ST3GAL1: variants seen among roughly 807,000 people sequenced by gnomAD.
ST3GAL1 encodes CMP-N-acetylneuraminate-beta-galactosamide-alpha-2,3-sialyltransferase 1.
In ST3GAL1, 16 loss-of-function variants were observed where a neutral mutation model predicts 34.1. The observed-to-expected ratio is 0.47, with a 90% CI of 0.32 to 0.71. The LOEUF is 0.71. Ranked by LOEUF, ST3GAL1 falls within the 30% of genes least tolerant of loss-of-function variation. ST3GAL1 has a pLI of 0.04. For missense variants in ST3GAL1, 353 were observed against 447.4 expected, an observed-to-expected ratio of 0.79 and a Z score of 1.90; for synonymous variants, 191 against 184.7, an observed-to-expected ratio of 1.03 and a Z score of -0.28.
Position 133,540,904 on chromosome 8 carries a change from T to G in ST3GAL1, c.-429+4870A>C, listed in dbSNP as rs552281438. Among the ~76,000 whole-genome samples, 13 of 125,012 alleles carry G rather than the reference T, an allele frequency of 1.0e-4. No individual in the cohort carries two copies. In the East Asian group the frequency reaches 1.1e-3, roughly 11 times the overall value. 82.0% of individuals were successfully genotyped at this position (125,012 alleles called of 152,430 possible). A position where few individuals can be genotyped will look rare whatever the true frequency, so the allele number is the denominator to read the frequency against. Reference sequence around the variant, plus strand: ...AGAGACATATATATAGACATATATATAGACATATATATAGACATATATATA... The same window carrying G: ...AGAGACATATATATAGACATATATAGAGACATATATATAGACATATATATA... On this transcript the variant is annotated intron_variant, in intron 2 of 9. Transcript: ENST00000522652.
intron 1 of ST3GAL1, among the ~76,000 whole-genome samples, chr8:133,558,405 G>T (rs2131102248): frequency 6.6e-6 from 1 of 152,326 alleles, no homozygotes; most frequent in South Asian, 2.1e-4. Context: ...ACTTGCTGAA[G>T]GACACGCAGT....
At chr8:133,491,799 C>T (rs1816794022) in intron 3 of ST3GAL1, among the ~76,000 whole-genome samples, 1 of 152,208 alleles carries the variant, frequency 6.6e-6, no homozygotes, top group African/African-American at 2.4e-5. Flanking sequence ...TCCCTACACA[C>T]TGAAGGTTGG....
At chr8:133,492,656 A>T (rs1400976731) in intron 3 of ST3GAL1, among the ~76,000 whole-genome samples, 1 of 152,140 alleles carries the variant, frequency 6.6e-6, no homozygotes. Flanking sequence ...TGGGAGGTGG[A>T]GGTTGTAGTG....
chr8:133,465,291 C>T (rs1366380806), intron 6 of ST3GAL1, among the ~76,000 whole-genome samples: 2 of 152,104 alleles, frequency 1.3e-5, no homozygotes, highest in African/African-American at 4.8e-5. Context: ...ACCCATGGGA[C>T]ACCTGGTACA....
At chr8:133,562,794 TTTCCTTCCTTCCTTCCTTCCTTCC>T (rs772597674) in intron 1 of ST3GAL1, among the ~76,000 whole-genome samples, 18 of 108,604 alleles carry the variant, frequency 1.7e-4, no homozygotes, top group South Asian at 1.6e-3. Context: ...TCTTTCTTTC[TTTCCTTCCTTCCTTCCTTCCTTCC>T]TTCCTTCCTT....
intron 5 of ST3GAL1, among the ~76,000 whole-genome samples, chr8:133,473,287 T>G (rs1437027852): frequency 2.0e-5 from 3 of 152,196 alleles, no homozygotes; most frequent in Non-Finnish European, 4.4e-5. Flanking sequence ...ATACGGTATT[T>G]CCAGAGGTTG....
At chr8:133,548,695 T>C (rs1328001042) in intron 1 of ST3GAL1, among the ~76,000 whole-genome samples, 1 of 152,192 alleles carries the variant, frequency 6.6e-6, no homozygotes. Flanking sequence ...GAGCACACAT[T>C]CATGTGTTTC....
chr8:133,530,321 G>C (rs549923875), intron 2 of ST3GAL1, among the ~76,000 whole-genome samples: 1 of 151,038 alleles, frequency 6.6e-6, no homozygotes, highest in African/African-American at 2.4e-5. Flanking sequence ...TGCTCTTGTG[G>C]CCCAGGCTAA....
chr8:133,523,884 C>T (rs1458656157), intron 2 of ST3GAL1, among the ~76,000 whole-genome samples: 1 of 152,160 alleles, frequency 6.6e-6, no homozygotes, highest in South Asian at 2.1e-4. Flanking sequence ...TGTCAAGATG[C>T]CAGTTCAGAA....
chr8:133,566,671 C>T (rs1412989320), intron 1 of ST3GAL1, among the ~76,000 whole-genome samples: 1 of 152,214 alleles, frequency 6.6e-6, no homozygotes, highest in Non-Finnish European at 1.5e-5. Context: ...TGCCACCTGC[C>T]ATGCCACCCT....
At chr8:133,551,597 A>AGAAG (rs1818860474) in intron 1 of ST3GAL1, among the ~76,000 whole-genome samples, 1 of 150,224 alleles carries the variant, frequency 6.7e-6, no homozygotes, top group Non-Finnish European at 1.5e-5. Context: ...AAAGAAAGAA[A>AGAAG]GAAAGAAAGA....
intron 4 of ST3GAL1, 67 bp from the exon 5 acceptor site, chr8:133,476,141 A>G: frequency 8.4e-7 from 1 of 1,194,656 alleles, no homozygotes; most frequent in South Asian, 1.6e-5. Context: ...GATGGCAGGA[A>G]TTCCAAGGGA....
intron 2 of ST3GAL1, among the ~76,000 whole-genome samples, chr8:133,522,962 G>A (rs1391456228): frequency 6.6e-6 from 1 of 152,164 alleles, no homozygotes; most frequent in Non-Finnish European, 1.5e-5. Context: ...GAAGAGACAG[G>A]GATGAAATCT....
intron 5 of ST3GAL1, among the ~76,000 whole-genome samples, chr8:133,468,783 G>T (rs74812902): frequency 0.011 from 1,711 of 152,264 alleles, 45 homozygotes; most frequent in African/African-American, 0.039. Flanking sequence ...GTTTAAAGCT[G>T]GCCCCGAAAT....
rs1819563082 is a variant in ST3GAL1, at chr8:133,571,363, C to A, written c.-582+330G>T. Reference sequence around the variant, plus strand: ...GCTGCCCGGGACTTGGCGTAGGTTCCCCACAGAGCTCCAGGCAGCTCCTCC... The same window carrying A: ...GCTGCCCGGGACTTGGCGTAGGTTCACCACAGAGCTCCAGGCAGCTCCTCC... On this transcript the variant is annotated intron_variant, in intron 1 of 9. Coordinates refer to ENST00000522652, the MANE Select transcript of ST3GAL1 (RefSeq NM_173344.3). The surrounding 1 kb of genome is among the most constrained non-coding windows in gnomAD (Gnocchi z 6.7). Among the ~76,000 whole-genome samples, 1 of 152,182 alleles carries A rather than the reference C, an allele frequency of 6.6e-6. No individual in the cohort carries two copies. Among genetic ancestry groups the A allele is most frequent in the African/African-American group, 2.4e-5 (1 of 41,456 alleles).
chr8:133,457,473 A>G lies in ST3GAL1; in HGVS notation c.*2291T>C, dbSNP rs987675059. Reference sequence around the variant, plus strand: ...CTGGGGTCACTCAGTCACTCAACAAACATTTGTTGAGCTCTTAACGTCATA... The same window carrying G: ...CTGGGGTCACTCAGTCACTCAACAAGCATTTGTTGAGCTCTTAACGTCATA... On this transcript the variant is annotated 3_prime_UTR_variant, in exon 10 of 10. Transcript: ENST00000522652. 6.6e-6 allele frequency: 1 copy of G among 152,190 alleles called. No individual in the cohort carries two copies. The highest frequency in any genetic ancestry group is 1.5e-5 in the Non-Finnish European group (1 of 68,054). 9.4% of individuals were successfully genotyped at this position (152,190 alleles called of 1,614,324 possible).
intron 3 of ST3GAL1, among the ~76,000 whole-genome samples, chr8:133,492,593 G>A (rs1286713142): frequency 1.3e-5 from 2 of 152,138 alleles, no homozygotes; most frequent in Non-Finnish European, 2.9e-5. Context: ...GTAGTGGCAT[G>A]TGCCTGTAAT....
chr8:133,562,408 C>T (rs1819253726), intron 1 of ST3GAL1, among the ~76,000 whole-genome samples: 1 of 152,048 alleles, frequency 6.6e-6, no homozygotes. Context: ...TGGGGTTTCG[C>T]CATGTTGGCC....
At chr8:133,520,725 A>C (rs1349845804) in intron 2 of ST3GAL1, among the ~76,000 whole-genome samples, 1 of 151,490 alleles carries the variant, frequency 6.6e-6, no homozygotes, top group Non-Finnish European at 1.5e-5. Context: ...GAAATGGCTC[A>C]ATGTGCAGTT....
Sources: allele counts gnomAD v4.1 joint callset (sites outside exome capture counted in the v4.1 genomes callset), GRCh38; gene constraint gnomAD v4.1.1; non-coding constraint Gnocchi (gnomAD v3.1); transcripts MANE v1.5; gene names NCBI Gene and HGNC (gene_info 2026-07-23, HGNC 2026-07-21).